The following KIAA1328 variants were observed in gnomAD, a reference collection of about 807,000 sequenced individuals.
KIAA1328 encodes the protein protein hinderin.
In KIAA1328, 52 loss-of-function variants were observed where a neutral mutation model predicts 68.1. The ratio of observed to expected loss-of-function variants is 0.76; its 90% CI spans 0.61 to 0.96. The LOEUF is 0.96. KIAA1328 is among the 40% of genes least tolerant of loss of function. The pLI is 0.00. For missense variants in KIAA1328, 641 were observed against 677.6 expected (o/e 0.95, Z 0.60); for synonymous variants, 232 against 239.4 (o/e 0.97, Z 0.28).
intron 7 of KIAA1328, among the ~76,000 whole-genome samples, chr18:37,132,134 G>A (rs2058537584): frequency 6.6e-6 from 1 of 152,008 alleles, no homozygotes; most frequent in Admixed American, 6.6e-5. Flanking sequence ...TTTACCCAAA[G>A]CTGCCTTCTA....
chr18:37,090,283 TAAATA>T lies in KIAA1328; in HGVS notation c.1232+22743_1232+22747del, dbSNP rs1377206124. On this transcript the variant is annotated intron_variant, in intron 7 of 9. Coordinates refer to ENST00000280020, the MANE Select transcript of KIAA1328 (RefSeq NM_020776.3). ...TACTAAGATAATTTAAATATCCAAA[TAAATA>T]AAATTTGCTTGAAATTAAATTTTAT... 3.9e-5 allele frequency among the ~76,000 whole-genome samples: 6 copies of T among 152,254 alleles called. No individual in the cohort carries two copies. The East Asian group carries it at 1.2e-3, about 29-fold the overall frequency.
At chr18:37,078,495 A>G (rs1303032629) in intron 7 of KIAA1328, among the ~76,000 whole-genome samples, 3 of 149,950 alleles carry the variant, frequency 2.0e-5, no homozygotes, top group Admixed American at 6.6e-5. Flanking sequence ...TAATTAAACT[A>G]AAGAGCTTCT....
intron 8 of KIAA1328, among the ~76,000 whole-genome samples, chr18:37,163,069 T>C (rs993266187): frequency 3.3e-5 from 5 of 152,212 alleles, no homozygotes; most frequent in Non-Finnish European, 7.3e-5. Context: ...TAAGAACTTT[T>C]AAAAGGCATA....
At chr18:37,126,070 G>A (rs2058382631) in intron 7 of KIAA1328, among the ~76,000 whole-genome samples, 1 of 152,166 alleles carries the variant, frequency 6.6e-6, no homozygotes, top group East Asian at 1.9e-4. Context: ...TTCATAAGTG[G>A]CTGATGCCTT....
chr18:36,975,176 A>ATTT (rs751805080), intron 6 of KIAA1328, among the ~76,000 whole-genome samples: 78 of 114,920 alleles, frequency 6.8e-4, no homozygotes, highest in East Asian at 1.3e-3. Flanking sequence ...ACAAGCTACA[A>ATTT]TTTTTTTTTT....
At chr18:37,027,516 A>G (rs1342883656) in intron 6 of KIAA1328, among the ~76,000 whole-genome samples, 1 of 152,262 alleles carries the variant, frequency 6.6e-6, no homozygotes, top group Non-Finnish European at 1.5e-5. Flanking sequence ...GTACCAAAAC[A>G]GAAATATAGA....
At position 37,160,348 on chromosome 18, in the gene KIAA1328, T is replaced by A. The variant is rs1178487587; in HGVS notation, c.1381T>A (p.Cys461Ser). 2 of 1,613,496 alleles carry A rather than the reference T, an allele frequency of 1.2e-6. No individual in the cohort carries two copies. The highest frequency in any genetic ancestry group is 1.7e-6 in the Non-Finnish European group (2 of 1,179,572). ...SHMKDDAQWS[C>S]QKKDTCRPQR... ...TATGAAAGATGATGCCCAGTGGTCA[T>A]GTCAAAAGAAAGATACATGTAGACC... Residue 461 changes from cysteine (C) to serine (S), a missense_variant, in exon 8 of 10, where the codon TGT (cysteine) becomes AGT (serine). Cys to Ser is a moderately radical substitution (Grantham distance 112). Coordinates refer to ENST00000280020, the MANE Select transcript of KIAA1328 (RefSeq NM_020776.3).
intron 7 of KIAA1328, among the ~76,000 whole-genome samples, chr18:37,076,869 G>A (rs1188067001): frequency 6.6e-6 from 1 of 152,058 alleles, no homozygotes; most frequent in Non-Finnish European, 1.5e-5. Context: ...AAGAGTCCAG[G>A]ACCAGACGGA....
chr18:36,912,395 A>G (rs2049488684), intron 5 of KIAA1328, among the ~76,000 whole-genome samples: 1 of 151,992 alleles, frequency 6.6e-6, no homozygotes, highest in East Asian at 1.9e-4. Context: ...TAACATCATC[A>G]CATCTCCTTT....
intron 7 of KIAA1328, among the ~76,000 whole-genome samples, chr18:37,142,759 C>T (rs1240439269): frequency 6.6e-6 from 1 of 152,062 alleles, no homozygotes; most frequent in Admixed American, 6.6e-5. Flanking sequence ...AGTAAACCTT[C>T]AAGCCTTACT....
Position 37,056,660 on chromosome 18 carries a change from C to CT in KIAA1328, c.577-10222dup, listed in dbSNP as rs1020084578. Among the ~76,000 whole-genome samples, 6 of 151,790 alleles carry CT rather than the reference C, an allele frequency of 4.0e-5. No homozygotes were observed. The South Asian group carries it at 6.3e-4, about 16-fold the overall frequency. On this transcript the variant is annotated intron_variant, in intron 6 of 9. Transcript: ENST00000280020. ...TTTAGTATAAGACAAATCCTTTTCT[C>CT]TTTTTTTTGAAATGGAGTCTCCCTC...
chr18:37,126,249 T>C (rs2058387743), intron 7 of KIAA1328, among the ~76,000 whole-genome samples: 1 of 152,116 alleles, frequency 6.6e-6, no homozygotes, highest in South Asian at 2.1e-4. Flanking sequence ...TATTCCAAAA[T>C]CCAAAAGAAC....
chr18:36,973,623 A>G (rs1192709755), intron 6 of KIAA1328, among the ~76,000 whole-genome samples: 2 of 152,070 alleles, frequency 1.3e-5, no homozygotes, highest in African/African-American at 2.4e-5. Context: ...CCCATTCTGA[A>G]TCCTCATGTC....
intron 6 of KIAA1328, among the ~76,000 whole-genome samples, chr18:36,999,691 A>C (rs565374307): frequency 6.6e-6 from 1 of 152,298 alleles, no homozygotes; most frequent in South Asian, 2.1e-4. Flanking sequence ...AGTCCTCATA[A>C]AGGAAGGATA....
At chr18:36,951,614 A>C (rs2051164309) in intron 5 of KIAA1328, among the ~76,000 whole-genome samples, 1 of 152,122 alleles carries the variant, frequency 6.6e-6, no homozygotes. Context: ...CAGGGATCCA[A>C]GTGTCCCCTC....
chr18:37,008,294 CA>C (rs1568284260), intron 6 of KIAA1328, among the ~76,000 whole-genome samples: 2 of 152,142 alleles, frequency 1.3e-5, no homozygotes, highest in Admixed American at 6.5e-5. Flanking sequence ...AAAGCAGACC[CA>C]AAGCATTGTA....
intron 6 of KIAA1328, among the ~76,000 whole-genome samples, chr18:37,032,971 G>A (rs948105915): frequency 2.2e-4 from 34 of 152,020 alleles, no homozygotes; most frequent in African/African-American, 7.2e-4. Flanking sequence ...ATATTCTGCC[G>A]TCATTCTTAC....
At chr18:37,197,855 C>G (rs564096320) in intron 9 of KIAA1328, among the ~76,000 whole-genome samples, 2 of 152,086 alleles carry the variant, frequency 1.3e-5, no homozygotes, top group South Asian at 4.2e-4. Context: ...AGATGTCTAC[C>G]CAAGAGAAAT....
chr18:37,089,431 G>A (rs2057205340), intron 7 of KIAA1328, among the ~76,000 whole-genome samples: 2 of 141,592 alleles, frequency 1.4e-5, no homozygotes, highest in Admixed American at 1.5e-4. Context: ...CTGGAGTGCA[G>A]TGTCACAATC....
Sources: allele counts gnomAD v4.1 joint callset (sites outside exome capture counted in the v4.1 genomes callset), GRCh38; gene constraint gnomAD v4.1.1; transcripts MANE v1.5; gene names NCBI Gene and HGNC (gene_info 2026-07-23, HGNC 2026-07-21).